The following GHSR variants were observed in gnomAD, a reference collection of about 807,000 sequenced individuals.
The protein encoded by GHSR is growth hormone secretagogue receptor.
In GHSR, 17 loss-of-function variants were observed where a neutral mutation model predicts 24.0. That is an observed-to-expected ratio of 0.71 (90% CI 0.49 to 1.06). The LOEUF is 1.06. Ranked by LOEUF, GHSR falls within the 50% of genes least tolerant of loss-of-function variation. GHSR has a pLI of 0.00. For missense variants in GHSR, 504 were observed against 483.1 expected, an observed-to-expected ratio of 1.04 and a Z score of -0.41; for synonymous variants, 238 against 208.1, an observed-to-expected ratio of 1.14 and a Z score of -1.24.
At chr3:172,447,461 T>G in intron 1 of GHSR, 157 bp downstream of exon 1, 2 of 1,449,924 alleles carry the variant, frequency 1.4e-6, no homozygotes, top group Non-Finnish European at 1.8e-6. Context: ...GAGGAGAGAA[T>G]AATTGAGAGA....
chr3:172,446,196 T>C (rs962460546), intron 1 of GHSR, among the ~76,000 whole-genome samples: 2 of 152,356 alleles, frequency 1.3e-5, no homozygotes, highest in East Asian at 3.9e-4. Flanking sequence ...TTGTAACACT[T>C]TAGTGATCCC....
In GHSR at chr3:172,445,190, C is replaced by A. The variant is rs150344113; in HGVS notation, c.1072G>T (p.Ala358Ser). 1 of 1,613,986 alleles carries A rather than the reference C, an allele frequency of 6.2e-7. No individual in the cohort carries two copies. The highest frequency in any genetic ancestry group is 8.5e-7 in the Non-Finnish European group (1 of 1,180,020). ...GTATTAATACTAGATTCTGTCCAGG[C>A]CCGAGAACTTTCATCTTTCAGAGTG... ...LSTLKDESSR[A>S]WTESSINT The change falls in exon 2 of 2, where the codon GCC becomes TCC. Residue 358 changes from alanine to serine, a missense_variant. Physicochemically the swap from Ala to Ser is moderately conservative, Grantham distance 99. Transcript: ENST00000241256.
Position 172,447,985 on chromosome 3 carries a change from G to A in GHSR, c.429C>T (p.Phe143=). The A allele has an allele frequency of 1.2e-6, 2 of 1,614,222 alleles. No homozygotes were observed. Among genetic ancestry groups the A allele is most frequent in the Non-Finnish European group, 1.7e-6 (2 of 1,180,024 alleles). ...TGGCCCGGAGTGGGAAGCAGATGGC[G>A]AAGTAGCGCTCGACGCTCAGCGCTG... ...TITALSVERY[F]AICFPLRAKV... The change falls in exon 1 of 2, where the codon TTC becomes TTT. Residue 143 remains phenylalanine, a synonymous_variant. Coordinates refer to ENST00000241256, the MANE Select transcript of GHSR (RefSeq NM_198407.2).
intron 1 of GHSR, 160 bp downstream of exon 1, chr3:172,447,458 G>C (rs763743563): frequency 8.8e-5 from 128 of 1,446,892 alleles, no homozygotes; most frequent in Non-Finnish European, 1.1e-4. Context: ...CAAGAGGAGA[G>C]AATAATTGAG....
chr3:172,444,636 T>TG lies in GHSR; in HGVS notation c.*524dup, dbSNP rs1737415091. On this transcript the variant is annotated 3_prime_UTR_variant, in exon 2 of 2. Transcript: ENST00000241256. ...CATGCCAGATTTCAAAGACTTAGTG[T>TG]GAAAAAAAAGAATGTAAATTCCTTT... Among the ~76,000 whole-genome samples the TG allele has an allele frequency of 6.6e-6, 1 of 152,128 alleles. No homozygotes were observed. The highest frequency in any genetic ancestry group is 6.6e-5 in the Admixed American group (1 of 15,262).
At position 172,445,089 on chromosome 3, in the gene GHSR, C is replaced by T. The variant is rs1295033514; in HGVS notation, c.*72G>A. 1.3e-6 allele frequency: 2 copies of T among 1,542,880 alleles called. No individual in the cohort carries two copies. The highest frequency in any genetic ancestry group is 1.8e-6 in the Non-Finnish European group (2 of 1,117,898). On this transcript the variant is annotated 3_prime_UTR_variant, in exon 2 of 2. Transcript: ENST00000241256. ...AATTCCAAAATTAACCTTCAGCTTC[C>T]TCCCAAGTTCTGCTGTGCTATGTCT...
chr3:172,445,535 A>C (rs1173661377), intron 1 of GHSR, 70 bp from the exon 2 acceptor site: 23 of 1,485,994 alleles, frequency 1.5e-5, no homozygotes, highest in Non-Finnish European at 2.0e-5. Flanking sequence ...TATTTTTAAG[A>C]CTTTGTTTTT....
Position 172,444,880 on chromosome 3 carries a change from TTCCTCC to T in GHSR, c.*275_*280del. On this transcript the variant is annotated 3_prime_UTR_variant, in exon 2 of 2. Coordinates refer to ENST00000241256, the MANE Select transcript of GHSR (RefSeq NM_198407.2). ...AGTGCCCTAATTGCTCACTCTGCTC[TTCCTCC>T]TTTCTCTGAATTGCAAAGCCCTCAC... 6.6e-6 allele frequency among the ~76,000 whole-genome samples: 1 copy of T among 152,336 alleles called. No homozygotes were observed. The highest frequency in any genetic ancestry group is 1.9e-4 in the East Asian group (1 of 5,194).
rs769452962 is a variant in GHSR, at chr3:172,445,438, C to A, written c.824G>T (p.Cys275Phe). The A allele has an allele frequency of 6.2e-7, 1 of 1,613,190 alleles. No homozygotes were observed. Among genetic ancestry groups the A allele is most frequent in the Admixed American group, 1.7e-5 (1 of 59,964 alleles). Reference sequence around the variant, plus strand: ...TCGCCCTACGTGGAAGGGGAGCCAGCAGAGGATGAAGGCAAACACCACTAC... The same window carrying A: ...TCGCCCTACGTGGAAGGGGAGCCAGAAGAGGATGAAGGCAAACACCACTAC... The part of the protein sequence containing the change: ...LAVVVFAFIL[C>F]WLPFHVGRYL... The change falls in exon 2 of 2, where the codon TGC (cysteine) becomes TTC (phenylalanine). Residue 275 changes from cysteine to phenylalanine, a missense_variant. Transcript: ENST00000241256.
At chr3:172,445,942 T>C (rs76402006) in intron 1 of GHSR, among the ~76,000 whole-genome samples, 53 of 134,824 alleles carry the variant, frequency 3.9e-4, no homozygotes, top group African/African-American at 1.5e-3. Flanking sequence ...TATCTTCTCT[T>C]TTTTTTTTTT....
Position 172,448,425 on chromosome 3 carries a change from A to G in GHSR, c.-12T>C, listed in dbSNP as rs199691534. The G allele has an allele frequency of 3.2e-6, 5 of 1,585,066 alleles. No homozygotes were observed. Among genetic ancestry groups the G allele is most frequent in the Admixed American group, 1.7e-5 (1 of 58,230 alleles). ...GTCGCGTTCCACATGCTGCCGGCTC[A>G]GCTGAACAGGCTCTGGGACGTGACT... On this transcript the variant is annotated 5_prime_UTR_variant, in exon 1 of 2. Coordinates refer to ENST00000241256, the MANE Select transcript of GHSR (RefSeq NM_198407.2). This position sits in a 1 kb window ranked among gnomAD's most constrained non-coding sequence, Gnocchi z 4.8.
Position 172,447,661 on chromosome 3 carries a change from G to C in GHSR, c.753C>G (p.Ala251=), listed in dbSNP as rs764653785. ...GCTTGTGGTTCTGGTCCCTGAGCGA[G>C]GCACCCACGACAGCATCGCCGCGCC... ...RRRRGDAVVG[A]SLRDQNHKQT... Residue 251 remains alanine, a synonymous_variant, in exon 1 of 2, where the codon GCC becomes GCG. Coordinates refer to ENST00000241256, the MANE Select transcript of GHSR (RefSeq NM_198407.2). 3 of 1,613,974 alleles carry C rather than the reference G, an allele frequency of 1.9e-6. No homozygotes were observed. Among genetic ancestry groups the C allele is most frequent in the African/African-American group, 1.3e-5 (1 of 74,896 alleles).
chr3:172,445,683 A>G (rs1209887092), intron 1 of GHSR, among the ~76,000 whole-genome samples: 1 of 152,242 alleles, frequency 6.6e-6, no homozygotes, highest in Admixed American at 6.5e-5. Flanking sequence ...TTTCTATTTA[A>G]CAACTATCTG....
Position 172,448,096 on chromosome 3 carries a change from G to C in GHSR, c.318C>G (p.Tyr106Ter). 6 of 1,614,230 alleles carry C rather than the reference G, an allele frequency of 3.7e-6. No homozygotes were observed. The highest frequency in any genetic ancestry group is 5.1e-6 in the Non-Finnish European group (6 of 1,180,038). ...MPLDLVRLWQYRPWNFGDLLC... is the reference protein window; with the variant it reads ...MPLDLVRLWQ ...GGAGGTCGCCGAAGTTCCAGGGCCG[G>C]TACTGCCAGAGGCGAACGAGGTCCA... The change falls in exon 1 of 2, where the codon TAC becomes TAG. Residue 106 changes from tyrosine (Y) to a stop codon, truncating the protein, a stop_gained. Transcript: ENST00000241256. LOFTEE classifies it high-confidence loss of function. The surrounding 1 kb of genome is among the most constrained non-coding windows in gnomAD (Gnocchi z 4.8).
rs147274466 is a variant in GHSR, at chr3:172,447,841, G to A, written c.573C>T (p.Asp191=). 13 of 1,613,866 alleles carry A rather than the reference G, an allele frequency of 8.1e-6. No individual in the cohort carries two copies. In the African/African-American group the frequency reaches 9.3e-5, roughly 12 times the overall value. ...LVGVEHENGT[D]PWDTNECRPT... ...GGCGGCACTCGTTGGTGTCCCAAGG[G>A]TCGGTGCCGTTCTCGTGCTCCACCC... is the stretch of plus-strand genomic sequence containing the variant. Residue 191 remains aspartate (D), a synonymous_variant, in exon 1 of 2, where the codon GAC becomes GAT. Coordinates refer to ENST00000241256, the MANE Select transcript of GHSR (RefSeq NM_198407.2).
rs1257503922 is a variant in GHSR, at chr3:172,445,137, T to A, written c.*24A>T. On this transcript the variant is annotated 3_prime_UTR_variant, in exon 2 of 2. Coordinates refer to ENST00000241256, the MANE Select transcript of GHSR (RefSeq NM_198407.2). Reference sequence around the variant, plus strand: ...TCTTCCGGTTTAGAGTAATAAGCGGTGACTGTACTCGCAATGTGCTAGGTC... The same window carrying A: ...TCTTCCGGTTTAGAGTAATAAGCGGAGACTGTACTCGCAATGTGCTAGGTC... The A allele has an allele frequency of 6.2e-7, 1 of 1,613,060 alleles. No homozygotes were observed. The highest frequency in any genetic ancestry group is 1.3e-5 in the African/African-American group (1 of 74,914).
chr3:172,445,071 A>C lies in GHSR; in HGVS notation c.*90T>G. 6.9e-7 allele frequency: 1 copy of C among 1,452,486 alleles called. No homozygotes were observed. The highest frequency in any genetic ancestry group is 9.6e-7 in the Non-Finnish European group (1 of 1,037,520). The allele number at this position is 1,452,486 out of a possible 1,614,324, so 90.0% of individuals were successfully genotyped here. On this transcript the variant is annotated 3_prime_UTR_variant, in exon 2 of 2. Transcript: ENST00000241256. Reference sequence around the variant, plus strand: ...CTGGATCTATGTGTTCCTAATTCCAAAATTAACCTTCAGCTTCCTCCCAAG... The same window carrying C: ...CTGGATCTATGTGTTCCTAATTCCACAATTAACCTTCAGCTTCCTCCCAAG...
rs1205534050 is a variant in GHSR, at chr3:172,443,851, A to G, written c.*1310T>C. ...AATTTGGAGACAGGACACAGCATAG[A>G]CATTTAAAAATAAATGGCTATAAGA... On this transcript the variant is annotated 3_prime_UTR_variant, in exon 2 of 2. Transcript: ENST00000241256. Among the ~76,000 whole-genome samples, 4 of 152,210 alleles carry G rather than the reference A, an allele frequency of 2.6e-5. No homozygotes were observed. The highest frequency in any genetic ancestry group is 5.9e-5 in the Non-Finnish European group (4 of 68,020).
In GHSR at chr3:172,443,620, G is replaced by C. The variant is rs1252999384; in HGVS notation, c.*1541C>G. ...AAGTATTGCACAGGATTATGAAAAA[G>C]TTATTTTTGGGTTAATACCTTTAGT... On this transcript the variant is annotated 3_prime_UTR_variant, in exon 2 of 2. Transcript: ENST00000241256. Among the ~76,000 whole-genome samples the C allele has an allele frequency of 6.6e-6, 1 of 152,126 alleles. No homozygotes were observed. Among genetic ancestry groups the C allele is most frequent in the African/African-American group, 2.4e-5 (1 of 41,438 alleles).
Sources: gnomAD v4.1 joint callset for allele counts (sites outside exome capture counted in the v4.1 genomes callset) on GRCh38, gnomAD v4.1.1 for gene constraint, Gnocchi (gnomAD v3.1) non-coding constraint, MANE v1.5 for transcripts, NCBI Gene and HGNC (gene_info 2026-07-23, HGNC 2026-07-21) for gene names.